The following CAPN13 variants were observed in gnomAD, a reference collection of about 807,000 sequenced individuals.
CAPN13 encodes calpain-13.
A neutral mutation model predicts 98.4 loss-of-function variants in CAPN13; 90 were observed. The observed-to-expected ratio is 0.92, with a 90% CI of 0.77 to 1.09. The LOEUF (loss-of-function observed/expected upper bound fraction) is 1.09, where lower values mean the gene tolerates loss of function less well. Among genes scored for constraint, CAPN13 ranks in the 50% least tolerant of loss-of-function variants. The pLI, the probability that CAPN13 is intolerant of heterozygous loss-of-function variation, is 0.00. For synonymous variants in CAPN13, 330 were observed against 305.5 expected, an observed-to-expected ratio of 1.08 and a Z score of -0.84; for missense variants, 887 against 841.3, an observed-to-expected ratio of 1.05 and a Z score of -0.67.
chr2:30,726,470 A>G (rs1183557988), intron 22 of CAPN13, among the ~76,000 whole-genome samples: 1 of 152,224 alleles, frequency 6.6e-6, no homozygotes, highest in Non-Finnish European at 1.5e-5. Context: ...TGACTTTTGA[A>G]TATATAAAAT....
intron 21 of CAPN13, 32 bp from the exon 22 acceptor site, chr2:30,730,818 C>A: frequency 1.3e-6 from 1 of 780,800 alleles, no homozygotes; most frequent in Non-Finnish European, 2.4e-6. Flanking sequence ...TACAACAATT[C>A]TTTACACTTG....
At chr2:30,758,006 C>A (rs113638338) in intron 8 of CAPN13, 40 bp downstream of exon 8, 34 of 1,489,608 alleles carry the variant, frequency 2.3e-5, no homozygotes, top group Middle Eastern at 1.9e-4. Context: ...CGACACCAAG[C>A]GCTCTGTGAA....
At chr2:30,756,498 C>T (rs1672459056) in intron 8 of CAPN13, among the ~76,000 whole-genome samples, 1 of 152,192 alleles carries the variant, frequency 6.6e-6, no homozygotes, top group South Asian at 2.1e-4. Flanking sequence ...TGATATTTAG[C>T]ATGGGAAACA....
rs76220380 is a variant in CAPN13, at chr2:30,742,012, C to T, written c.1480-48G>A. On this transcript the variant is annotated intron_variant, in intron 14 of 22. Coordinates refer to ENST00000295055, the MANE Select transcript of CAPN13 (RefSeq NM_144575.3). ...AATGTTAGACTTCTGGGGAAGGAGG[C>T]CACCCATCTGGTACAGCAAGGGTGC... is the stretch of plus-strand genomic sequence containing the variant. 1.3e-5 allele frequency: 20 copies of T among 1,549,224 alleles called. No homozygotes were observed. The East Asian group carries it at 4.5e-4, about 35-fold the overall frequency.
intron 22 of CAPN13, among the ~76,000 whole-genome samples, chr2:30,730,366 G>A (rs1348238127): frequency 6.6e-6 from 1 of 151,956 alleles, no homozygotes; most frequent in Non-Finnish European, 1.5e-5. Flanking sequence ...TCTCCCTAAG[G>A]CCTGACCATT....
chr2:30,760,107 G>T (rs1436963958), intron 7 of CAPN13, among the ~76,000 whole-genome samples: 1 of 152,058 alleles, frequency 6.6e-6, no homozygotes, highest in East Asian at 1.9e-4. Context: ...TTTTGAGATG[G>T]AGTCTTGCTG....
chr2:30,745,092 A>T (rs1202533446), intron 12 of CAPN13, among the ~76,000 whole-genome samples: 1 of 151,286 alleles, frequency 6.6e-6, no homozygotes, highest in Non-Finnish European at 1.5e-5. Context: ...CCTCTCTTTC[A>T]TCTGTGGTCC....
At chr2:30,792,523 C>A (rs1300494813) in intron 1 of CAPN13, among the ~76,000 whole-genome samples, 1 of 151,932 alleles carries the variant, frequency 6.6e-6, no homozygotes, top group South Asian at 2.1e-4. Context: ...AACAGAAAAT[C>A]TGAATAATGC....
chr2:30,735,840 G>T (rs996262554), intron 18 of CAPN13, among the ~76,000 whole-genome samples: 1 of 152,148 alleles, frequency 6.6e-6, no homozygotes, highest in African/African-American at 2.4e-5. Context: ...GCATGTGTGG[G>T]TATACATATT....
chr2:30,784,241 C>A (rs990067441), intron 2 of CAPN13, among the ~76,000 whole-genome samples: 4 of 151,954 alleles, frequency 2.6e-5, no homozygotes, highest in Admixed American at 6.6e-5. Context: ...TCCCTGCCAA[C>A]CTTCTTTCAG....
chr2:30,736,663 C>T (rs1671383209), intron 17 of CAPN13, 92 bp from the exon 18 acceptor site: 1 of 1,143,018 alleles, frequency 8.7e-7, no homozygotes, highest in Non-Finnish European at 1.3e-6. Flanking sequence ...CCATTCATCA[C>T]TAGCAACACA....
intron 15 of CAPN13, chr2:30,741,402 C>T (rs1043423444): frequency 4.8e-5 from 47 of 989,266 alleles, no homozygotes; most frequent in Non-Finnish European, 5.6e-5. Flanking sequence ...TTGTGCAGAG[C>T]CCCTGGCAGC....
At chr2:30,761,454 C>T (rs891744546) in intron 7 of CAPN13, among the ~76,000 whole-genome samples, 3 of 152,200 alleles carry the variant, frequency 2.0e-5, no homozygotes, top group South Asian at 2.1e-4. Flanking sequence ...CACATAGCTG[C>T]TCTGCAACCC....
chr2:30,768,927 AGGAACCCC>A (rs1258591381), intron 5 of CAPN13, among the ~76,000 whole-genome samples: 3 of 152,076 alleles, frequency 2.0e-5, no homozygotes, highest in Non-Finnish European at 4.4e-5. Context: ...GTGGGGATCC[AGGAACCCC>A]CAAATAGCAC....
chr2:30,751,102 C>G lies in CAPN13; in HGVS notation c.1236+1G>C. The G allele has an allele frequency of 6.2e-7, 1 of 1,613,378 alleles. No homozygotes were observed. The highest frequency in any genetic ancestry group is 8.5e-7 in the Non-Finnish European group (1 of 1,179,648). On this transcript the variant is annotated splice_donor_variant, in intron 11 of 22. Coordinates refer to ENST00000295055, the MANE Select transcript of CAPN13 (RefSeq NM_144575.3). LOFTEE classifies it high-confidence loss of function. ...GAAAGCCCTGAAGCAGGCTGCCTTA[C>G]CAGAATCACTTGGAAATCGAGTGGA... is the stretch of plus-strand genomic sequence containing the variant.
rs1027749679 is a variant in CAPN13 at position 30,743,596 on chromosome 2, C to T, written c.1249-17G>A. On this transcript the variant is annotated splice_polypyrimidine_tract_variant and intron_variant, in intron 12 of 22. Coordinates refer to ENST00000295055, the MANE Select transcript of CAPN13 (RefSeq NM_144575.3). ...CCGGAACCGCTGGAATTAGAGGAAA[C>T]ACAATGATTGTGAGAAAGCCTCCTC... 2.5e-6 allele frequency: 4 copies of T among 1,613,264 alleles called. No individual in the cohort carries two copies. Among genetic ancestry groups the T allele is most frequent in the African/African-American group, 1.3e-5 (1 of 74,898 alleles).
At chr2:30,759,022 TCTTCCTTCCCTCCCTCCCTCCTTC>T (rs763515838) in intron 7 of CAPN13, among the ~76,000 whole-genome samples, 9,300 of 89,096 alleles carry the variant, frequency 0.1, 491 homozygotes, top group Non-Finnish European at 0.13. Flanking sequence ...CTGCTCCTAT[TCTTCCTTCCCTCCCTCCCTCCTTC>T]CTTCCTTCCC....
intron 4 of CAPN13, 68 bp downstream of exon 4, chr2:30,775,862 A>C (rs1049711975): frequency 1.6e-5 from 18 of 1,141,576 alleles, no homozygotes; most frequent in Non-Finnish European, 2.2e-5. Context: ...AGAAAACTTA[A>C]GACTTTCACC....
chr2:30,738,610 G>A (rs1671497748), intron 15 of CAPN13, among the ~76,000 whole-genome samples, 153 bp from the exon 16 acceptor site: 1 of 152,222 alleles, frequency 6.6e-6, no homozygotes, highest in Non-Finnish European at 1.5e-5. Context: ...CCTGATGGCT[G>A]CCAGCCATAG....
Sources: gnomAD v4.1 joint callset for allele counts (sites outside exome capture counted in the v4.1 genomes callset) on GRCh38, gnomAD v4.1.1 for gene constraint, MANE v1.5 for transcripts, NCBI Gene and HGNC (gene_info 2026-07-23, HGNC 2026-07-21) for gene names.